PTPRG: variants seen among roughly 807,000 people sequenced by gnomAD.
PTPRG encodes protein tyrosine phosphatase receptor type G, also known as receptor-type tyrosine-protein phosphatase gamma.
A neutral mutation model predicts 165.3 loss-of-function variants in PTPRG; 102 were observed. The ratio of observed to expected loss-of-function variants is 0.62; its 90% CI spans 0.53 to 0.73. The LOEUF is 0.73. Among genes scored for constraint, PTPRG ranks in the 30% least tolerant of loss-of-function variants. The pLI, the probability that PTPRG is intolerant of heterozygous loss-of-function variation, is 0.00. For missense variants in PTPRG, 1,866 were observed against 1,861.4 expected, an observed-to-expected ratio of 1.00 and a Z score of -0.05; for synonymous variants, 675 against 669.5, an observed-to-expected ratio of 1.01 and a Z score of -0.13.
intron 4 of PTPRG, among the ~76,000 whole-genome samples, chr3:62,009,025 T>C (rs1162766322): frequency 6.6e-6 from 1 of 152,164 alleles, no homozygotes; most frequent in Non-Finnish European, 1.5e-5. Context: ...AACGAGCAAA[T>C]GAACAGCCAT....
chr3:61,949,763 G>T (rs1027618743), intron 2 of PTPRG, among the ~76,000 whole-genome samples: 74 of 150,458 alleles, frequency 4.9e-4, no homozygotes, highest in Non-Finnish European at 1.0e-3. Context: ...TTTTGGAGAA[G>T]AAGTCTCGCT....
At chr3:61,631,640 G>A (rs537160739) in intron 1 of PTPRG, among the ~76,000 whole-genome samples, 5 of 152,166 alleles carry the variant, frequency 3.3e-5, no homozygotes, top group East Asian at 1.9e-4. Context: ...CAAAAATTGC[G>A]TTTGTTATAT....
intron 2 of PTPRG, among the ~76,000 whole-genome samples, chr3:61,926,952 C>T (rs2039230268): frequency 6.6e-6 from 1 of 152,064 alleles, no homozygotes; most frequent in Admixed American, 6.6e-5. Flanking sequence ...TTGTCCTTTT[C>T]TACCTGTAAT....
intron 4 of PTPRG, among the ~76,000 whole-genome samples, chr3:62,035,232 C>CG (rs1290055382): frequency 4.3e-4 from 65 of 152,322 alleles, no homozygotes; most frequent in Middle Eastern, 3.4e-3. Context: ...AAGAAAGTAA[C>CG]ATGAATTCAT....
At chr3:62,046,815 T>C (rs558536127) in intron 4 of PTPRG, among the ~76,000 whole-genome samples, 1 of 152,206 alleles carries the variant, frequency 6.6e-6, no homozygotes, top group Non-Finnish European at 1.5e-5. Context: ...TTGACTGTTG[T>C]TATGTGGAAA....
intron 2 of PTPRG, among the ~76,000 whole-genome samples, chr3:61,834,855 A>G (rs1356495839): frequency 6.6e-6 from 1 of 152,100 alleles, no homozygotes; most frequent in Non-Finnish European, 1.5e-5. Context: ...GTGAGCTGCC[A>G]ATTTTTTCTC....
At chr3:62,284,119 T>G (rs1317118651) in intron 28 of PTPRG, among the ~76,000 whole-genome samples, 1 of 152,002 alleles carries the variant, frequency 6.6e-6, no homozygotes. Context: ...CATCAAATTC[T>G]AACGTTACTG....
intron 6 of PTPRG, among the ~76,000 whole-genome samples, chr3:62,151,803 C>G (rs1298984474): frequency 6.6e-6 from 1 of 152,014 alleles, no homozygotes; most frequent in Non-Finnish European, 1.5e-5. Flanking sequence ...TCACACTGCC[C>G]TTTTATAGCA....
In PTPRG at chr3:62,296,758, A is replaced by G. The variant is rs1380897979; in HGVS notation, c.*3451A>G. The G allele has an allele frequency of 6.6e-6, 1 of 151,952 alleles. No individual in the cohort carries two copies. The highest frequency in any genetic ancestry group is 1.5e-5 in the Non-Finnish European group (1 of 67,932). The allele number at this position is 151,952 out of a possible 1,614,324, so 9.4% of individuals were successfully genotyped here. Reference sequence around the variant, plus strand: ...TACTTATCTCTAGAAAGAAGAAGGCATGCTACAAATAGGAAGGAATTGTAA... The same window carrying G: ...TACTTATCTCTAGAAAGAAGAAGGCGTGCTACAAATAGGAAGGAATTGTAA... On this transcript the variant is annotated 3_prime_UTR_variant, in exon 30 of 30. Transcript: ENST00000474889.
chr3:62,096,169 C>T (rs874884), intron 5 of PTPRG, among the ~76,000 whole-genome samples: 2 of 151,936 alleles, frequency 1.3e-5, no homozygotes, highest in Non-Finnish European at 2.9e-5. Context: ...AAAATGATAT[C>T]TTTCTATTAC....
chr3:61,742,918 C>G (rs878867264), intron 1 of PTPRG: 1 of 1,472,384 alleles, frequency 6.8e-7, no homozygotes, highest in Non-Finnish European at 9.5e-7. Context: ...GACACACACA[C>G]ACAACTTAGG....
At chr3:61,736,249 G>T (rs2032719913) in intron 1 of PTPRG, among the ~76,000 whole-genome samples, 2 of 151,072 alleles carry the variant, frequency 1.3e-5, no homozygotes, top group South Asian at 4.2e-4. Flanking sequence ...CTGACATAAG[G>T]TTCCTCTGAA....
chr3:62,122,020 C>G (rs1370420952), intron 5 of PTPRG, among the ~76,000 whole-genome samples: 1 of 152,180 alleles, frequency 6.6e-6, no homozygotes, highest in African/African-American at 2.4e-5. Context: ...TAGCATTAAT[C>G]TATGTCCTCC....
At chr3:62,113,667 T>C (rs1310872008) in intron 5 of PTPRG, among the ~76,000 whole-genome samples, 1 of 152,222 alleles carries the variant, frequency 6.6e-6, no homozygotes, top group Non-Finnish European at 1.5e-5. Context: ...TCCTACCCTC[T>C]GGAGGGAACC....
intron 2 of PTPRG, among the ~76,000 whole-genome samples, chr3:61,927,179 A>C (rs1039940676): frequency 6.6e-6 from 1 of 152,210 alleles, no homozygotes; most frequent in African/African-American, 2.4e-5. Flanking sequence ...TAGGCACATT[A>C]GCTTACTAAG....
In PTPRG at chr3:61,617,765, TCTTTA is replaced by T. The variant is rs202090295; in HGVS notation, c.85+55397_85+55401del. 6.9e-3 allele frequency among the ~76,000 whole-genome samples: 1,050 copies of T among 152,072 alleles called. 8 individuals are homozygous for T. Among genetic ancestry groups the T allele is most frequent in the African/African-American group, 0.024 (997 of 41,316 alleles). ...ACAGTGGATAGATACGAAAACGGTC[TCTTTA>T]CTTCTGTGAGTTAAAGGTGTGCCTG... On this transcript the variant is annotated intron_variant, in intron 1 of 29. Transcript: ENST00000474889.
chr3:62,079,277 A>C (rs1701490215), intron 5 of PTPRG, among the ~76,000 whole-genome samples: 1 of 152,176 alleles, frequency 6.6e-6, no homozygotes, highest in Non-Finnish European at 1.5e-5. Flanking sequence ...TAAAGGCTCA[A>C]ATGAGAGATC....
chr3:61,598,536 A>G (rs139513782), intron 1 of PTPRG, among the ~76,000 whole-genome samples: 2,371 of 152,240 alleles, frequency 0.016, 26 homozygotes, highest in Non-Finnish European at 0.024. Context: ...AAACTCGGCC[A>G]TCAGTTAAGG....
chr3:62,104,647 C>A (rs1702410542), intron 5 of PTPRG, among the ~76,000 whole-genome samples: 1 of 152,142 alleles, frequency 6.6e-6, no homozygotes, highest in African/African-American at 2.4e-5. Context: ...CAGTTGAGGA[C>A]CTTTTTAAAT....
Sources: allele counts gnomAD v4.1 joint callset (sites outside exome capture counted in the v4.1 genomes callset), GRCh38; gene constraint gnomAD v4.1.1; transcripts MANE v1.5; gene names NCBI Gene and HGNC (gene_info 2026-07-23, HGNC 2026-07-21).